Variants in SLC24A3 observed in about 807,000 individuals in gnomAD.
The protein encoded by SLC24A3 is sodium/potassium/calcium exchanger 3.
In SLC24A3, 28 loss-of-function variants were observed where a neutral mutation model predicts 75.8. The ratio of observed to expected loss-of-function variants is 0.37; its 90% CI spans 0.27 to 0.51. The LOEUF (loss-of-function observed/expected upper bound fraction) is 0.51. SLC24A3 is among the 20% of genes least tolerant of loss of function. The pLI is 0.94. For missense variants in SLC24A3, 663 were observed against 847.8 expected (o/e 0.78, Z 2.71); for synonymous variants, 372 against 334.1 (o/e 1.11, Z -1.24).
At chr20:19,261,884 T>C (rs1983001898) in intron 1 of SLC24A3, 1 of 152,196 alleles carries the variant, frequency 6.6e-6, no homozygotes, top group Non-Finnish European at 1.5e-5. Context: ...CTGTCAAAAA[T>C]AGAAAACAAT....
intron 2 of SLC24A3, among the ~76,000 whole-genome samples, chr20:19,480,109 AACAATGTTATAAT>A (rs1309518130): frequency 1.2e-4 from 18 of 152,208 alleles, no homozygotes; most frequent in Non-Finnish European, 2.6e-4. Flanking sequence ...TAGATTCATT[AACAATGTTATAAT>A]CATACTCGTT....
At chr20:19,285,358 G>T (rs1189739009) in intron 2 of SLC24A3, among the ~76,000 whole-genome samples, 3 of 151,194 alleles carry the variant, frequency 2.0e-5, no homozygotes, top group Non-Finnish European at 2.9e-5. Flanking sequence ...TGAGTCTGTG[G>T]TCCCAGCTAC....
intron 2 of SLC24A3, among the ~76,000 whole-genome samples, chr20:19,389,895 A>G (rs1986336951): frequency 6.6e-6 from 1 of 152,102 alleles, no homozygotes; most frequent in Non-Finnish European, 1.5e-5. Flanking sequence ...TAAATCCCAT[A>G]TCCTTTCTTC....
intron 2 of SLC24A3, among the ~76,000 whole-genome samples, chr20:19,445,064 C>T (rs1424096613): frequency 6.6e-6 from 1 of 152,174 alleles, no homozygotes; most frequent in Non-Finnish European, 1.5e-5. Flanking sequence ...AGATAACACA[C>T]TCTGTATAAC....
chr20:19,421,859 G>A (rs1425250781), intron 2 of SLC24A3, among the ~76,000 whole-genome samples: 1 of 152,186 alleles, frequency 6.6e-6, no homozygotes, highest in African/African-American at 2.4e-5. Flanking sequence ...AACTTCCGGA[G>A]CCTCCACCCC....
chr20:19,278,783 A>C (rs1983566424), intron 1 of SLC24A3, among the ~76,000 whole-genome samples: 1 of 152,118 alleles, frequency 6.6e-6, no homozygotes, highest in African/African-American at 2.4e-5. Context: ...TGGGGAAAAA[A>C]ACCTGGGGGG....
At chr20:19,229,838 CA>C (rs1981968213) in intron 1 of SLC24A3, among the ~76,000 whole-genome samples, 1 of 152,086 alleles carries the variant, frequency 6.6e-6, no homozygotes, top group Non-Finnish European at 1.5e-5. Flanking sequence ...TGATTTTCAG[CA>C]CTATTGGGTC....
intron 1 of SLC24A3, among the ~76,000 whole-genome samples, chr20:19,245,423 A>G (rs1335125266): frequency 6.6e-6 from 1 of 152,206 alleles, no homozygotes; most frequent in Non-Finnish European, 1.5e-5. Context: ...CAATGACTAC[A>G]TAAGTGTGAT....
chr20:19,550,967 G>A (rs1015116781), intron 3 of SLC24A3, among the ~76,000 whole-genome samples: 4 of 152,234 alleles, frequency 2.6e-5, no homozygotes, highest in Admixed American at 1.3e-4. Context: ...GGATGAGAAC[G>A]TAAGGCACGG....
intron 2 of SLC24A3, among the ~76,000 whole-genome samples, chr20:19,367,951 A>T (rs1219227780): frequency 6.6e-6 from 1 of 152,266 alleles, no homozygotes; most frequent in Non-Finnish European, 1.5e-5. Flanking sequence ...CAAAAGAAAC[A>T]TGATGTATTA....
rs150765819 is a variant in SLC24A3 at position 19,448,060 on chromosome 20, G to A, written c.272-67428G>A. ...CTGACCTGTGGATTTAGCTTTTCCG[G>A]CCTTAGCTGGTTCTAGGTTCTGGGG... On this transcript the variant is annotated intron_variant, in intron 2 of 16. Coordinates refer to ENST00000328041, the MANE Select transcript of SLC24A3 (RefSeq NM_020689.4). Among the ~76,000 whole-genome samples the A allele has an allele frequency of 7.3e-3, 1,111 of 152,300 alleles. 12 individuals are homozygous for A. Among genetic ancestry groups the A allele is most frequent in the African/African-American group, 0.025 (1,036 of 41,560 alleles).
chr20:19,717,176 G>A (rs1025522539), intron 15 of SLC24A3, among the ~76,000 whole-genome samples: 19 of 152,212 alleles, frequency 1.2e-4, no homozygotes, highest in African/African-American at 4.6e-4. Flanking sequence ...AAGTTCCCCA[G>A]AGGTAAAGGA....
At chr20:19,414,585 G>A (rs867678782) in intron 2 of SLC24A3, among the ~76,000 whole-genome samples, 18 of 152,216 alleles carry the variant, frequency 1.2e-4, no homozygotes, top group East Asian at 1.9e-4. Context: ...TTTCAAAACC[G>A]TAAAGAGACT....
chr20:19,248,905 C>T (rs764702658), intron 1 of SLC24A3, among the ~76,000 whole-genome samples: 33 of 149,846 alleles, frequency 2.2e-4, no homozygotes, highest in Middle Eastern at 3.4e-3. Context: ...AGACAAATAC[C>T]GCATGATCTC....
intron 2 of SLC24A3, among the ~76,000 whole-genome samples, chr20:19,460,747 G>A (rs557147998): frequency 2.4e-4 from 36 of 152,284 alleles, no homozygotes; most frequent in Non-Finnish European, 2.4e-4. Context: ...AGACTGCAAA[G>A]CCTCATACTG....
At chr20:19,294,791 G>T (rs1984022836) in intron 2 of SLC24A3, among the ~76,000 whole-genome samples, 1 of 152,048 alleles carries the variant, frequency 6.6e-6, no homozygotes, top group Admixed American at 6.6e-5. Context: ...TATTCCTTTG[G>T]TTATATACCT....
At chr20:19,446,812 A>C (rs1987394622) in intron 2 of SLC24A3, among the ~76,000 whole-genome samples, 1 of 152,230 alleles carries the variant, frequency 6.6e-6, no homozygotes, top group African/African-American at 2.4e-5. Flanking sequence ...ACCTGTGAGC[A>C]ATGGAGCCTC....
intron 7 of SLC24A3, among the ~76,000 whole-genome samples, chr20:19,663,635 T>C (rs999912579): frequency 6.6e-6 from 1 of 151,492 alleles, no homozygotes; most frequent in African/African-American, 2.4e-5. Flanking sequence ...CCTGCATTTC[T>C]CTTTCCCTGT....
intron 6 of SLC24A3, among the ~76,000 whole-genome samples, chr20:19,618,060 C>G (rs1251111009): frequency 6.6e-6 from 1 of 151,978 alleles, no homozygotes; most frequent in African/African-American, 2.4e-5. Context: ...GAGCATCTAC[C>G]TGGAAATTCG....
Sources: gnomAD v4.1 joint callset for allele counts (sites outside exome capture counted in the v4.1 genomes callset) on GRCh38, gnomAD v4.1.1 for gene constraint, MANE v1.5 for transcripts, NCBI Gene and HGNC (gene_info 2026-07-23, HGNC 2026-07-21) for gene names.